USP34: variants seen among roughly 807,000 people sequenced by gnomAD.
The protein encoded by USP34 is ubiquitin specific peptidase 34, also known as ubiquitin carboxyl-terminal hydrolase 34.
In USP34, 70 loss-of-function variants were observed where a neutral mutation model predicts 460.3. The observed-to-expected ratio is 0.15, with a 90% confidence interval of 0.13 to 0.19. USP34 has a LOEUF of 0.19. USP34 is among the 10% of genes least tolerant of loss of function. USP34 has a pLI of 1.00. For synonymous variants in USP34, 1,647 were observed against 1,405.3 expected (o/e 1.17, Z -3.85); for missense variants, 3,985 against 4,236.2 (o/e 0.94, Z 1.65).
intron 10 of USP34, among the ~76,000 whole-genome samples, chr2:61,368,860 AAACTG>A (rs1692519929): frequency 6.6e-6 from 1 of 152,226 alleles, no homozygotes; most frequent in Non-Finnish European, 1.5e-5. Flanking sequence ...CACAAATATG[AAACTG>A]AACAGTAAAA....
At chr2:61,199,939 A>C (rs1374441512) in intron 75 of USP34, 1 of 152,368 alleles carries the variant, frequency 6.6e-6, no homozygotes, top group Non-Finnish European at 1.5e-5. Context: ...TATCTATTAA[A>C]TTCTAAAAAA....
intron 43 of USP34, 142 bp downstream of exon 43, chr2:61,265,255 A>C (rs1689014198): frequency 5.9e-6 from 5 of 850,384 alleles, no homozygotes; most frequent in Non-Finnish European, 9.0e-6. Flanking sequence ...TGTAAAATAC[A>C]CATTAGCTAG....
At chr2:61,420,285 A>C (rs1173248340) in intron 2 of USP34, among the ~76,000 whole-genome samples, 1 of 152,206 alleles carries the variant, frequency 6.6e-6, no homozygotes, top group Non-Finnish European at 1.5e-5. Context: ...GATTATATTA[A>C]CATGTTTTCC....
chr2:61,421,527 CAT>C (rs753633429), intron 1 of USP34, among the ~76,000 whole-genome samples: 1 of 152,084 alleles, frequency 6.6e-6, no homozygotes, highest in Non-Finnish European at 1.5e-5. Flanking sequence ...AAGTAGAAAA[CAT>C]AAGGGTCTTT....
intron 58 of USP34, 108 bp downstream of exon 58, chr2:61,232,344 A>C (rs1362482178): frequency 4.3e-6 from 4 of 932,464 alleles, no homozygotes; most frequent in Non-Finnish European, 6.5e-6. Flanking sequence ...GATCTTTTCA[A>C]ACTATTATCA....
chr2:61,329,943 CAGAT>C (rs1340606493), intron 20 of USP34, among the ~76,000 whole-genome samples: 1 of 152,072 alleles, frequency 6.6e-6, no homozygotes, highest in Non-Finnish European at 1.5e-5. Flanking sequence ...CCTAATTTGA[CAGAT>C]AGAAAGAATG....
intron 1 of USP34, among the ~76,000 whole-genome samples, chr2:61,437,014 C>A (rs1013793058): frequency 3.9e-5 from 6 of 152,064 alleles, no homozygotes; most frequent in Non-Finnish European, 8.8e-5. Context: ...AAATACAACA[C>A]GTCAAAGCCT....
chr2:61,299,371 G>A lies in USP34; in HGVS notation c.4128+1580C>T, dbSNP rs576502093. Among the ~76,000 whole-genome samples the A allele has an allele frequency of 3.9e-5, 6 of 152,240 alleles. No individual in the cohort carries two copies. The South Asian group carries it at 1.2e-3, about 32-fold the overall frequency. On this transcript the variant is annotated intron_variant, in intron 29 of 79. Coordinates refer to ENST00000398571, the MANE Select transcript of USP34 (RefSeq NM_014709.4). ...TACATGAATACATGAAAAGGTCTTA[G>A]AATAAGCCCATTTAAAGGCATTGTT...
At chr2:61,441,764 G>A (rs1573045428) in intron 1 of USP34, among the ~76,000 whole-genome samples, 2 of 128,762 alleles carry the variant, frequency 1.6e-5, no homozygotes, top group Admixed American at 2.0e-4. Flanking sequence ...TGGTACCACT[G>A]AACTACAGCC....
chr2:61,221,413 G>A, intron 66 of USP34, 89 bp downstream of exon 66: 1 of 1,210,098 alleles, frequency 8.3e-7, no homozygotes, highest in Non-Finnish European at 1.1e-6. Flanking sequence ...GGGGTAATAA[G>A]AAACTGGTAC....
At chr2:61,468,636 A>C (rs979799774) in intron 1 of USP34, among the ~76,000 whole-genome samples, 1 of 152,224 alleles carries the variant, frequency 6.6e-6, no homozygotes, top group African/African-American at 2.4e-5. Flanking sequence ...TCATTAGAAC[A>C]GGTTTCTTAG....
At chr2:61,437,329 GAAAC>G (rs1694840279) in intron 1 of USP34, among the ~76,000 whole-genome samples, 1 of 151,866 alleles carries the variant, frequency 6.6e-6, no homozygotes, top group Non-Finnish European at 1.5e-5. Flanking sequence ...AAAGAAATCA[GAAAC>G]AAAAAAGGAG....
intron 41 of USP34, 181 bp downstream of exon 41, chr2:61,277,984 C>A (rs1288647407): frequency 2.6e-6 from 2 of 758,278 alleles, no homozygotes; most frequent in Non-Finnish European, 3.9e-6. Flanking sequence ...TGCCTTCCGG[C>A]ACGATTGTGA....
chr2:61,257,609 T>C (rs1322287885), intron 44 of USP34, among the ~76,000 whole-genome samples: 9 of 152,160 alleles, frequency 5.9e-5, no homozygotes, highest in Admixed American at 5.9e-4. Context: ...GAGACTCAAA[T>C]GACTCACAGC....
intron 8 of USP34, among the ~76,000 whole-genome samples, chr2:61,371,548 G>C (rs944868297): frequency 2.0e-5 from 3 of 151,676 alleles, no homozygotes; most frequent in Non-Finnish European, 4.4e-5. Context: ...GTTATTATAA[G>C]AGTCAAAACG....
chr2:61,370,632 A>C, intron 8 of USP34, 53 bp from the exon 9 acceptor site: 21 of 1,543,194 alleles, frequency 1.4e-5, no homozygotes, highest in Non-Finnish European at 1.7e-5. Flanking sequence ...ATCTTTTCTC[A>C]TGTCTAAAAG....
At chr2:61,420,678 A>G (rs888118090) in intron 2 of USP34, 68 bp downstream of exon 2, 12 of 1,155,044 alleles carry the variant, frequency 1.0e-5, no homozygotes, top group Non-Finnish European at 1.5e-5. Context: ...AGAAAATGTG[A>G]CAATAAAAAT....
At chr2:61,422,946 G>T (rs1047200862) in intron 1 of USP34, among the ~76,000 whole-genome samples, 1 of 152,100 alleles carries the variant, frequency 6.6e-6, no homozygotes, top group Non-Finnish European at 1.5e-5. Flanking sequence ...GCTGAAGTGA[G>T]CCGAAAAAAA....
intron 22 of USP34, among the ~76,000 whole-genome samples, chr2:61,318,144 G>A: frequency 7.5e-6 from 1 of 133,100 alleles, no homozygotes; most frequent in Non-Finnish European, 1.5e-5. Flanking sequence ...AGTGAGACGT[G>A]ATCACACTAC....
Sources: gnomAD v4.1 joint callset for allele counts (sites outside exome capture counted in the v4.1 genomes callset) on GRCh38, gnomAD v4.1.1 for gene constraint, MANE v1.5 for transcripts, NCBI Gene and HGNC (gene_info 2026-07-23, HGNC 2026-07-21) for gene names.